KRT17: variants seen among roughly 807,000 people sequenced by gnomAD.
KRT17 encodes keratin 17.
Under a neutral mutation model 45.6 loss-of-function variants are expected in KRT17, and 29 were observed. The ratio of observed to expected loss-of-function variants is 0.64; its 90% CI spans 0.47 to 0.87. KRT17 has a LOEUF of 0.87. KRT17 is among the 40% of genes least tolerant of loss of function. KRT17 has a pLI of 0.00. For synonymous variants in KRT17, 219 were observed against 234.6 expected, an observed-to-expected ratio of 0.93 and a Z score of 0.61; for missense variants, 536 against 577.8, an observed-to-expected ratio of 0.93 and a Z score of 0.74.
At position 41,624,435 on chromosome 17, in the gene KRT17, G is replaced by C. The variant is rs762455178; in HGVS notation, c.75C>G (p.Ser25=). 5 of 1,610,224 alleles carry C rather than the reference G, an allele frequency of 3.1e-6. No individual in the cohort carries two copies. The highest frequency in any genetic ancestry group is 2.2e-5 in the South Asian group (2 of 90,918). ...KGSSGLGGGS[S]RTSCRLSGGL... is the part of the protein sequence containing the mutation. Reference sequence around the variant, plus strand: ...CGCCAGACAGCCGGCAGGAGGTGCGGGACGAGCCGCCCCCCAGGCCGGAGG... The same window carrying C: ...CGCCAGACAGCCGGCAGGAGGTGCGCGACGAGCCGCCCCCCAGGCCGGAGG... Residue 25 remains serine, a synonymous_variant, in exon 1 of 8, where the codon TCC becomes TCG. Transcript: ENST00000311208.
chr17:41,620,904 G>A, intron 5 of KRT17, 25 bp from the exon 6 acceptor site: 1 of 1,614,014 alleles, frequency 6.2e-7, no homozygotes, highest in Non-Finnish European at 8.5e-7. Context: ...GAAGACCAGG[G>A]GTCAGTGAGG....
chr17:41,624,192 C>T lies in KRT17; in HGVS notation c.318G>A (p.Glu106=). 1 of 1,612,678 alleles carries T rather than the reference C, an allele frequency of 6.2e-7. No homozygotes were observed. The highest frequency in any genetic ancestry group is 8.5e-7 in the Non-Finnish European group (1 of 1,180,026). Reference sequence around the variant, plus strand: ...TCACCTCCAGCTCAGTGTTGGCCTCCTCCAGGGCACGCACCTTGTCCAGGT... The same window carrying T: ...TCACCTCCAGCTCAGTGTTGGCCTCTTCCAGGGCACGCACCTTGTCCAGGT... ...ASYLDKVRAL[E]EANTELEVKI... is the part of the protein sequence containing the mutation. Residue 106 remains glutamate, a synonymous_variant, in exon 1 of 8, where the codon GAG becomes GAA. Transcript: ENST00000311208.
chr17:41,621,515 GC>G (rs1908541561), intron 4 of KRT17, 77 bp downstream of exon 4: 13 of 1,569,682 alleles, frequency 8.3e-6, no homozygotes, highest in Non-Finnish European at 1.1e-5. Context: ...AAGACATCTG[GC>G]CGTGGGCTTA....
rs761918095 is a variant in KRT17, at chr17:41,622,985, G to A, written c.480C>T (p.Asp160=). 1.2e-6 allele frequency: 2 copies of A among 1,613,180 alleles called. No individual in the cohort carries two copies. The highest frequency in any genetic ancestry group is 1.7e-6 in the Non-Finnish European group (2 of 1,179,834). Residue 160 remains aspartate, a synonymous_variant, in exon 2 of 8, where the codon GAC becomes GAT. Transcript: ENST00000311208. ...VDNANILLQI[D]NARLAADDFR... ...AGTCATCAGCAGCCAGACGGGCATT[G>A]TCAATCTGTAGCAGGATGTTGGCAT...
chr17:41,622,147 G>T, intron 3 of KRT17: 1 of 683,638 alleles, frequency 1.5e-6, no homozygotes, highest in Non-Finnish European at 2.6e-6. Flanking sequence ...GAGGTTCCTT[G>T]TGTACAGAGA....
Position 41,619,843 on chromosome 17 carries a change from C to T in KRT17, c.1205-155G>A, listed in dbSNP as rs1908479531. 4.1e-6 allele frequency: 4 copies of T among 985,412 alleles called. No homozygotes were observed. In the South Asian group the frequency reaches 1.4e-4, roughly 35 times the overall value. The allele number at this position is 985,412 out of a possible 1,614,324, so 61.0% of individuals were successfully genotyped here. On this transcript the variant is annotated intron_variant, in intron 7 of 7. Transcript: ENST00000311208. The stretch of plus-strand genomic sequence containing the variant: ...CCTCGACATCACACTGCACACACAT[C>T]CCTCCTGTCCCTGCCACCACCTCCC...
chr17:41,622,003 G>T (rs1908559132), intron 3 of KRT17: 9 of 608,174 alleles, frequency 1.5e-5, no homozygotes, highest in Non-Finnish European at 2.7e-5. Context: ...GCCCCCAAAA[G>T]TTCCCCTCTA....
In KRT17 at chr17:41,620,974, G is replaced by C; in HGVS notation, c.952C>G (p.Leu318Val). Residue 318 changes from leucine (L) to valine (V), a missense_variant, in exon 5 of 8, where the codon CTC becomes GTC. Leu to Val is a conservative substitution (Grantham distance 32, BLOSUM62 1). Coordinates refer to ENST00000311208, the MANE Select transcript of KRT17 (RefSeq NM_000422.3). The part of the protein sequence containing the change: ...QALEIELQSQ[L>V]SMKASLEGNL... ...CACAGGACTGTTCCTACCATGCTGA[G>C]CTGGGACTGCAGCTCTATCTCCAAG... The C allele has an allele frequency of 6.2e-7, 1 of 1,614,172 alleles. No individual in the cohort carries two copies. Among genetic ancestry groups the C allele is most frequent in the South Asian group, 1.1e-5 (1 of 91,084 alleles).
At chr17:41,622,157 A>G (rs1908564977) in intron 3 of KRT17, 198 bp downstream of exon 3, 5 of 711,572 alleles carry the variant, frequency 7.0e-6, no homozygotes, top group Admixed American at 2.3e-5. Flanking sequence ...GTGTACAGAG[A>G]AGCAGTGTGG....
Position 41,620,673 on chromosome 17 carries a change from C to T in KRT17, c.1167G>A (p.Glu389=), listed in dbSNP as rs1478674225. The T allele has an allele frequency of 6.2e-7, 1 of 1,612,184 alleles. No individual in the cohort carries two copies. ...QEIATYRRLL[E]GEDAHLTQYK... ...CCCCCACTCACTGGGCATCCTCTCC[C>T]TCCAGCAGGCGGCGGTAGGTGGCAA... is the stretch of plus-strand genomic sequence containing the variant. The change falls in exon 6 of 8, where the codon GAG becomes GAA. Residue 389 remains glutamate (E), a synonymous_variant. Coordinates refer to ENST00000311208, the MANE Select transcript of KRT17 (RefSeq NM_000422.3).
Position 41,624,439 on chromosome 17 carries a change from G to C in KRT17, c.71C>G (p.Ser24Trp). 6.2e-7 allele frequency: 1 copy of C among 1,610,218 alleles called. No homozygotes were observed. Among genetic ancestry groups the C allele is most frequent in the Non-Finnish European group, 8.5e-7 (1 of 1,179,364 alleles). The change falls in exon 1 of 8, where the codon TCG (serine) becomes TGG (tryptophan). Residue 24 changes from serine (S) to tryptophan (W), a missense_variant. Coordinates refer to ENST00000311208, the MANE Select transcript of KRT17 (RefSeq NM_000422.3). ...IKGSSGLGGG[S>W]SRTSCRLSGG... ...AGACAGCCGGCAGGAGGTGCGGGAC[G>C]AGCCGCCCCCCAGGCCGGAGGAGCC...
chr17:41,623,542 C>A (rs565553105), intron 1 of KRT17, among the ~76,000 whole-genome samples: 54 of 152,280 alleles, frequency 3.5e-4, no homozygotes, highest in Middle Eastern at 3.4e-3. Flanking sequence ...TTGCTGAGCC[C>A]GTCTTAAGGG....
chr17:41,624,006 C>T (rs1309834544), intron 1 of KRT17, 72 bp downstream of exon 1: 33 of 1,604,580 alleles, frequency 2.1e-5, no homozygotes, highest in Non-Finnish European at 2.7e-5. Context: ...GGACTCCAGG[C>T]CTTTGGCCAA....
Position 41,619,521 on chromosome 17 carries a change from G to T in KRT17, c.*73C>A. The T allele has an allele frequency of 6.2e-7, 1 of 1,610,900 alleles. No individual in the cohort carries two copies. Among genetic ancestry groups the T allele is most frequent in the South Asian group, 1.1e-5 (1 of 90,926 alleles). On this transcript the variant is annotated 3_prime_UTR_variant, in exon 8 of 8. Coordinates refer to ENST00000311208, the MANE Select transcript of KRT17 (RefSeq NM_000422.3). ...TGAAGCAGGGGGCTGAGGCTGGAGA[G>T]GCCGGAGACTGTGGGGCAGATGGGG...
At chr17:41,621,556 C>G (rs1406705733) in intron 4 of KRT17, 37 bp downstream of exon 4, 1 of 1,611,774 alleles carries the variant, frequency 6.2e-7, no homozygotes, top group Non-Finnish European at 8.5e-7. Context: ...TGAGCCCCAG[C>G]CCCTAAGAGA....
intron 4 of KRT17, among the ~76,000 whole-genome samples, 164 bp from the exon 5 acceptor site, chr17:41,621,255 C>A (rs1228788242): frequency 6.6e-6 from 1 of 152,210 alleles, no homozygotes; most frequent in Non-Finnish European, 1.5e-5. Flanking sequence ...ATGGTTAATC[C>A]CAGCGTGTGG....
intron 1 of KRT17, chr17:41,623,244 C>A: frequency 1.9e-6 from 1 of 539,908 alleles, no homozygotes; most frequent in Non-Finnish European, 3.5e-6. Flanking sequence ...CACCAGACCC[C>A]CATGGCAGGC....
intron 1 of KRT17, among the ~76,000 whole-genome samples, 156 bp downstream of exon 1, chr17:41,623,922 C>A (rs1476647811): frequency 6.6e-6 from 1 of 152,254 alleles, no homozygotes; most frequent in Non-Finnish European, 1.5e-5. Flanking sequence ...GTGAGCCACA[C>A]AGGGGCCCCA....
In KRT17 at chr17:41,619,628, G is replaced by A; in HGVS notation, c.1265C>T (p.Ser422Phe). Residue 422 changes from serine to phenylalanine, a missense_variant, in exon 8 of 8, where the codon TCC becomes TTC. By Grantham distance (155) the Ser-to-Phe change is radical (BLOSUM62 -2). Coordinates refer to ENST00000311208, the MANE Select transcript of KRT17 (RefSeq NM_000422.3). ...VEEVQDGKVI[S>F]SREQVHQTTR Reference sequence around the variant, plus strand: ...GGTCTGGTGGACCTGCTCGCGGGAGGAGATGACCTTGCCATCCTGGACCTC... The same window carrying A: ...GGTCTGGTGGACCTGCTCGCGGGAGAAGATGACCTTGCCATCCTGGACCTC... 2 of 1,612,176 alleles carry A rather than the reference G, an allele frequency of 1.2e-6. No homozygotes were observed. Among genetic ancestry groups the A allele is most frequent in the African/African-American group, 2.7e-5 (2 of 74,964 alleles).
Sources: allele counts gnomAD v4.1 joint callset (sites outside exome capture counted in the v4.1 genomes callset), GRCh38; gene constraint gnomAD v4.1.1; transcripts MANE v1.5; gene names NCBI Gene and HGNC (gene_info 2026-07-23, HGNC 2026-07-21).